Variants in ATP13A4 observed in about 807,000 individuals in gnomAD.
ATP13A4 encodes the protein ATPase 13A4, also known as probable cation-transporting ATPase 13A4.
Under a neutral mutation model 142.5 loss-of-function variants are expected in ATP13A4, and 114 were observed. The observed-to-expected ratio is 0.80, with a 90% CI of 0.69 to 0.93. ATP13A4 has a LOEUF of 0.93. Among genes scored for constraint, ATP13A4 ranks in the 40% least tolerant of loss-of-function variants. ATP13A4 has a pLI of 0.00. For synonymous variants in ATP13A4, 488 were observed against 514.8 expected (o/e 0.95, Z 0.70); for missense variants, 1,392 against 1,454.0 (o/e 0.96, Z 0.69).
In ATP13A4 at chr3:193,466,247, C is replaced by G. The variant is rs1718279729; in HGVS notation, c.1115-65G>C. The stretch of plus-strand genomic sequence containing the variant: ...AACGCTACTGCTAGCTCTTCCAAAC[C>G]TCAACACTGCCTTTGTTTTTCTCTG... On this transcript the variant is annotated intron_variant, in intron 10 of 29. Coordinates refer to ENST00000342695, the MANE Select transcript of ATP13A4 (RefSeq NM_032279.4). The G allele has an allele frequency of 3.7e-5, 59 of 1,581,578 alleles. No homozygotes were observed. In the South Asian group the frequency reaches 6.1e-4, roughly 16 times the overall value.
chr3:193,531,319 G>GGAGGGAAGGAAGAGA (rs1389639393), intron 1 of ATP13A4, among the ~76,000 whole-genome samples: 1 of 123,468 alleles, frequency 8.1e-6, no homozygotes, highest in African/African-American at 3.0e-5. Flanking sequence ...AGGAAGGAAG[G>GGAGGGAAGGAAGAGA]AAGGAAGGAA....
intron 23 of ATP13A4, among the ~76,000 whole-genome samples, chr3:193,437,825 ATTTTT>A (rs372139378): frequency 4.9e-5 from 5 of 102,984 alleles, no homozygotes; most frequent in Admixed American, 3.4e-4. Flanking sequence ...GCCAATAAAG[ATTTTT>A]TTTTTTTTTT....
intron 3 of ATP13A4, among the ~76,000 whole-genome samples, chr3:193,497,727 G>A (rs1720323351): frequency 6.6e-6 from 1 of 152,040 alleles, no homozygotes; most frequent in South Asian, 2.1e-4. Context: ...TTTGTGGAAT[G>A]TTATTTGGCC....
intron 27 of ATP13A4, among the ~76,000 whole-genome samples, chr3:193,411,431 C>G (rs1714761080): frequency 6.6e-6 from 1 of 152,118 alleles, no homozygotes; most frequent in African/African-American, 2.4e-5. Context: ...AAAAAGGAAG[C>G]CTGTCAATAA....
At chr3:193,585,068 T>C (rs1012745801) in intron 1 of ATP13A4, among the ~76,000 whole-genome samples, 2 of 152,170 alleles carry the variant, frequency 1.3e-5, no homozygotes, top group African/African-American at 4.8e-5. Flanking sequence ...CGGCCCAGGA[T>C]GGCTTTGAAT....
At chr3:193,499,631 C>A (rs1280960962) in intron 3 of ATP13A4, among the ~76,000 whole-genome samples, 1 of 152,122 alleles carries the variant, frequency 6.6e-6, no homozygotes, top group East Asian at 1.9e-4. Context: ...AAGCTAGTCC[C>A]AAAGGAAAAT....
intron 1 of ATP13A4, among the ~76,000 whole-genome samples, chr3:193,538,434 A>C (rs1020413230): frequency 1.3e-5 from 2 of 151,962 alleles, no homozygotes; most frequent in African/African-American, 4.8e-5. Context: ...AGATGGAAAA[A>C]ACAGAGGGCA....
At chr3:193,452,502 G>A (rs567072713) in intron 17 of ATP13A4, among the ~76,000 whole-genome samples, 1 of 151,278 alleles carries the variant, frequency 6.6e-6, no homozygotes, top group South Asian at 2.1e-4. Context: ...ATCACAAAGT[G>A]AGAGAGTTGG....
Position 193,442,459 on chromosome 3 carries a change from C to T in ATP13A4, c.2250G>A (p.Gly750=). The T allele has an allele frequency of 6.2e-7, 1 of 1,614,024 alleles. No individual in the cohort carries two copies. Among genetic ancestry groups the T allele is most frequent in the African/African-American group, 1.3e-5 (1 of 75,028 alleles). The change falls in exon 19 of 30, where the codon GGG becomes GGA. Residue 750 remains glycine (G), a synonymous_variant. Coordinates refer to ENST00000342695, the MANE Select transcript of ATP13A4 (RefSeq NM_032279.4). Reference sequence around the variant, plus strand: ...TCCAAGATATAGATGCTGATGAGGACCCGGTGGTTTCATTTGCCTCAATGA... The same window carrying T: ...TCCAAGATATAGATGCTGATGAGGATCCGGTGGTTTCATTTGCCTCAATGA... ...VILIEANETT[G]SSSASISWTL...
At chr3:193,427,879 G>A (rs1576949971) in intron 25 of ATP13A4, among the ~76,000 whole-genome samples, 1 of 152,078 alleles carries the variant, frequency 6.6e-6, no homozygotes, top group East Asian at 1.9e-4. Flanking sequence ...CATAGGCATG[G>A]GCAAGGACTT....
chr3:193,475,986 G>C lies in ATP13A4; in HGVS notation c.809-4993C>G, dbSNP rs1212706470. Among the ~76,000 whole-genome samples, 3 of 151,938 alleles carry C rather than the reference G, an allele frequency of 2.0e-5. No individual in the cohort carries two copies. In the East Asian group the frequency reaches 5.8e-4, roughly 29 times the overall value. ...ATTGAGAACCAGAACTTTGGGTATA[G>C]AGAAAAGAGAAACACAAGTACAATG... On this transcript the variant is annotated intron_variant, in intron 8 of 29. Coordinates refer to ENST00000342695, the MANE Select transcript of ATP13A4 (RefSeq NM_032279.4).
intron 1 of ATP13A4, among the ~76,000 whole-genome samples, chr3:193,533,353 G>T (rs527444924): frequency 1.5e-3 from 229 of 152,108 alleles, no homozygotes; most frequent in African/African-American, 5.3e-3. Context: ...ACATAAGAAG[G>T]CTTAGAACAG....
At chr3:193,414,496 C>T in intron 26 of ATP13A4, 83 bp downstream of exon 26, 1 of 1,515,530 alleles carries the variant, frequency 6.6e-7, no homozygotes, top group East Asian at 2.3e-5. Flanking sequence ...GAATGAAGAC[C>T]CATGTGCCTC....
intron 1 of ATP13A4, among the ~76,000 whole-genome samples, chr3:193,524,086 G>A (rs1321518741): frequency 2.0e-5 from 3 of 152,118 alleles, no homozygotes; most frequent in Admixed American, 1.3e-4. Flanking sequence ...CCAGAATCAT[G>A]AGCCAAATAA....
intron 1 of ATP13A4, among the ~76,000 whole-genome samples, chr3:193,549,792 A>G (rs1030519817): frequency 1.3e-5 from 2 of 152,142 alleles, no homozygotes; most frequent in African/African-American, 4.8e-5. Context: ...TGATCACACC[A>G]TTGCACTCCA....
chr3:193,484,100 T>C, intron 7 of ATP13A4, 95 bp from the exon 8 acceptor site: 1 of 1,045,458 alleles, frequency 9.6e-7, no homozygotes, highest in South Asian at 1.3e-5. Context: ...TAGAGCACTG[T>C]CTTACTGCCA....
Position 193,404,257 on chromosome 3 carries a change from C to CCACA in ATP13A4, c.3379-1397_3379-1394dup, listed in dbSNP as rs537791282. On this transcript the variant is annotated intron_variant, in intron 29 of 29. Coordinates refer to ENST00000342695, the MANE Select transcript of ATP13A4 (RefSeq NM_032279.4). Reference sequence around the variant, plus strand: ...AAACCTTAAAACAAAATAGATGAAACCACACACACACACACACAGAGAGAG... The same window carrying CCACA: ...AAACCTTAAAACAAAATAGATGAAACCACACACACACACACACACACAGAGAGAG... The CCACA allele has an allele frequency of 6.3e-4, 296 of 468,280 alleles. 1 individual carries two copies. Among genetic ancestry groups the CCACA allele is most frequent in the African/African-American group, 6.1e-3 (280 of 45,568 alleles). 29.0% of individuals were successfully genotyped at this position (468,280 alleles called of 1,614,324 possible).
chr3:193,514,348 T>C (rs1432536120), intron 2 of ATP13A4, among the ~76,000 whole-genome samples: 1 of 152,188 alleles, frequency 6.6e-6, no homozygotes, highest in Non-Finnish European at 1.5e-5. Flanking sequence ...GATTTTCTGT[T>C]CCTGCGTTAG....
Position 193,457,020 on chromosome 3 carries a change from C to G in ATP13A4, c.1895G>C (p.Ser632Thr). 2 of 1,613,836 alleles carry G rather than the reference C, an allele frequency of 1.2e-6. No homozygotes were observed. Among genetic ancestry groups the G allele is most frequent in the Non-Finnish European group, 1.7e-6 (2 of 1,179,914 alleles). ...FMKGAPERVA[S>T]FCQPETVPTS... ...CAGACCTGTCTCAGGTTGGCAAAAG[C>G]TGGCCACCCTCTCTGGTGCACCTTT... The change falls in exon 16 of 30, where the codon AGC (serine) becomes ACC (threonine). Residue 632 changes from serine (S) to threonine (T), a missense_variant. Ser to Thr is a moderately conservative substitution (Grantham distance 58, BLOSUM62 1). Coordinates refer to ENST00000342695, the MANE Select transcript of ATP13A4 (RefSeq NM_032279.4).
Sources: allele counts gnomAD v4.1 joint callset (sites outside exome capture counted in the v4.1 genomes callset), GRCh38; gene constraint gnomAD v4.1.1; transcripts MANE v1.5; gene names NCBI Gene and HGNC (gene_info 2026-07-23, HGNC 2026-07-21).